The following DNM2 variants were observed in gnomAD, a reference collection of about 807,000 sequenced individuals.
DNM2 encodes dynamin 2, also known as dynamin-2.
In DNM2, 15 loss-of-function variants were observed where a neutral mutation model predicts 99.0. The observed-to-expected ratio is 0.15, with a 90% confidence interval of 0.10 to 0.23. The LOEUF is 0.23. Ranked by LOEUF, DNM2 falls within the 10% of genes least tolerant of loss-of-function variation. The probability of loss-of-function intolerance (pLI) is 1.00; values close to 1 mark genes in which losing one functional copy is unlikely to be tolerated. For missense variants in DNM2, 742 were observed against 1,189.4 expected (o/e 0.62, Z 5.53); for synonymous variants, 525 against 481.2 (o/e 1.09, Z -1.19).
At chr19:10,814,397 G>C (rs557564868) in intron 15 of DNM2, among the ~76,000 whole-genome samples, 2 of 152,166 alleles carry the variant, frequency 1.3e-5, no homozygotes, top group Non-Finnish European at 2.9e-5. Context: ...CTGGGAAGCA[G>C]AGGTTGCGGT....
At chr19:10,773,066 A>G (rs8104546) in intron 3 of DNM2, among the ~76,000 whole-genome samples, 137,966 of 145,774 alleles carry the variant, frequency 0.95, 65,378 homozygotes, top group East Asian at 0.99. Context: ...TGCAACCTCC[A>G]CCTCCCAGGT....
intron 2 of DNM2, among the ~76,000 whole-genome samples, chr19:10,760,826 G>GTTTTTTTTTTTTTTTT (rs1568284526): frequency 1.8e-3 from 9 of 4,942 alleles, no homozygotes; most frequent in East Asian, 4.5e-3. Context: ...ACACCCAGCT[G>GTTTTTTTTTTTTTTTT]ATTTTTTTTT....
chr19:10,787,752 C>CA (rs35556775), intron 7 of DNM2, among the ~76,000 whole-genome samples: 64,250 of 108,124 alleles, frequency 0.59, 17,400 homozygotes, highest in Admixed American at 0.64. Context: ...AAGACTGTCT[C>CA]AAAAAAAAAA....
At chr19:10,813,840 A>G (rs2034802505) in intron 15 of DNM2, among the ~76,000 whole-genome samples, 1 of 137,180 alleles carries the variant, frequency 7.3e-6, no homozygotes, top group African/African-American at 2.6e-5. Context: ...AAAAAAAAAA[A>G]GAAGAAGAAG....
At position 10,796,266 on chromosome 19, in the gene DNM2, G is replaced by C; in HGVS notation, c.1196+827G>C. On this transcript the variant is annotated intron_variant, in intron 9 of 20. Transcript: ENST00000389253. This position sits in a 1 kb window ranked among gnomAD's most constrained non-coding sequence, Gnocchi z 5.6. ...CGGGGGTACGGGGGTTTGGTATCAGGCTCCCAGCGCCTCATTGGCCCCCAC... is the reference window on the plus strand; with the variant it reads ...CGGGGGTACGGGGGTTTGGTATCAGCCTCCCAGCGCCTCATTGGCCCCCAC... The C allele has an allele frequency of 6.2e-7, 1 of 1,608,908 alleles. No individual in the cohort carries two copies. Among genetic ancestry groups the C allele is most frequent in the East Asian group, 2.2e-5 (1 of 44,836 alleles).
At chr19:10,802,434 G>T in intron 12 of DNM2, 76 bp downstream of exon 12, 1 of 1,519,962 alleles carries the variant, frequency 6.6e-7, no homozygotes, top group Non-Finnish European at 9.1e-7. Flanking sequence ...ACTGAGTTGG[G>T]ATTCTCTGAG....
chr19:10,828,977 C>T (rs1259554736), intron 18 of DNM2, 59 bp from the exon 19 acceptor site: 7 of 1,543,152 alleles, frequency 4.5e-6, no homozygotes, highest in Non-Finnish European at 6.2e-6. Flanking sequence ...CCAGCAGTCA[C>T]TGTGGGTTCT....
Position 10,764,211 on chromosome 19 carries a change from T to C in DNM2, c.235+4400T>C, listed in dbSNP as rs887728495. 2.6e-5 allele frequency among the ~76,000 whole-genome samples: 4 copies of C among 152,154 alleles called. No individual in the cohort carries two copies. The highest frequency in any genetic ancestry group is 9.7e-5 in the African/African-American group (4 of 41,426). The stretch of plus-strand genomic sequence containing the variant: ...CTGGCCCGGGACTTGTTAAAGTGAC[T>C]TCCCTCTCTGTGCCTTGGTAGCTTC... On this transcript the variant is annotated intron_variant, in intron 2 of 20. Transcript: ENST00000389253. This position sits in a 1 kb window ranked among gnomAD's most constrained non-coding sequence, Gnocchi z 4.1.
At position 10,830,366 on chromosome 19, in the gene DNM2, C is replaced by T. The variant is rs1398139585; in HGVS notation, c.2531C>T (p.Pro844Leu). The T allele has an allele frequency of 1.2e-6, 2 of 1,610,680 alleles. No individual in the cohort carries two copies. Among genetic ancestry groups the T allele is most frequent in the African/African-American group, 1.3e-5 (1 of 75,038 alleles). Reference protein sequence around the residue: ...RPVRIPPGIPPGVPSRRPPAA... With the variant: ...RPVRIPPGIPLGVPSRRPPAA... ...GTTCGGATCCCCCCAGGGATTCCCC[C>T]AGGAGTGCCCAGGTAAGGCCAACCC... is the stretch of plus-strand genomic sequence containing the variant. The change falls in exon 20 of 21, where the codon CCA becomes CTA. Residue 844 changes from proline (P) to leucine (L), a missense_variant. Pro to Leu is a moderately conservative substitution (Grantham distance 98). Around this residue, in one of 7 missense-constraint regions of DNM2, gnomAD observed 187 missense variants for 218.8 expected, o/e 0.85. Coordinates refer to ENST00000389253, the MANE Select transcript of DNM2 (RefSeq NM_001005361.3). This position sits in a 1 kb window ranked among gnomAD's most constrained non-coding sequence, Gnocchi z 4.8.
rs1315288863 is a variant in DNM2 at position 10,808,495 on chromosome 19, A to G, written c.1546-74A>G. 6 of 1,551,492 alleles carry G rather than the reference A, an allele frequency of 3.9e-6. No individual in the cohort carries two copies. The African/African-American group carries it at 4.1e-5, about 11-fold the overall frequency. On this transcript the variant is annotated intron_variant, in intron 13 of 20. Transcript: ENST00000389253. Reference sequence around the variant, plus strand: ...TTCCTGCTTTTTCTTTGTCCCCTTCACGTCCCTTCCATCTCTTTTCCTTTG... The same window carrying G: ...TTCCTGCTTTTTCTTTGTCCCCTTCGCGTCCCTTCCATCTCTTTTCCTTTG...
chr19:10,795,706 G>T lies in DNM2; in HGVS notation c.1196+267G>T. ...TAGTTCCTGCCCAGTCGGTTGGTGTGAACCTCATGCTAAACTAAGAATGCT... is the reference window on the plus strand; with the variant it reads ...TAGTTCCTGCCCAGTCGGTTGGTGTTAACCTCATGCTAAACTAAGAATGCT... On this transcript the variant is annotated intron_variant, in intron 9 of 20. Coordinates refer to ENST00000389253, the MANE Select transcript of DNM2 (RefSeq NM_001005361.3). The surrounding 1 kb of genome is among the most constrained non-coding windows in gnomAD (Gnocchi z 4.2). The T allele has an allele frequency of 1.7e-6, 1 of 585,428 alleles. No individual in the cohort carries two copies. The highest frequency in any genetic ancestry group is 3.0e-6 in the Non-Finnish European group (1 of 329,324). 36.3% of individuals were successfully genotyped at this position (585,428 alleles called of 1,614,324 possible).
chr19:10,723,592 T>C (rs576858058), intron 1 of DNM2, among the ~76,000 whole-genome samples: 2 of 152,312 alleles, frequency 1.3e-5, no homozygotes, highest in African/African-American at 4.8e-5. Flanking sequence ...ATAGGAGTTA[T>C]AATAGCACTT....
intron 2 of DNM2, among the ~76,000 whole-genome samples, chr19:10,761,262 C>T (rs934784451): frequency 6.6e-6 from 1 of 152,126 alleles, no homozygotes; most frequent in African/African-American, 2.4e-5. Context: ...GTTGGGATTA[C>T]AGGCGTGAGC....
In DNM2 at chr19:10,732,532, G is replaced by A. The variant is rs1270658644; in HGVS notation, c.161+14129G>A. On this transcript the variant is annotated intron_variant, in intron 1 of 20. Coordinates refer to ENST00000389253, the MANE Select transcript of DNM2 (RefSeq NM_001005361.3). ...AGAGAATGGTGTGAACCCAGGAGGC[G>A]GAGCTTGCAGTGAGCCGAGATCGCG... 3.3e-5 allele frequency among the ~76,000 whole-genome samples: 5 copies of A among 151,832 alleles called. No individual in the cohort carries two copies. In the East Asian group the frequency reaches 8.0e-4, roughly 24 times the overall value.
At chr19:10,756,967 G>C (rs544880175) in intron 1 of DNM2, among the ~76,000 whole-genome samples, 1 of 152,092 alleles carries the variant, frequency 6.6e-6, no homozygotes, top group African/African-American at 2.4e-5. Flanking sequence ...CCAGAGGGGG[G>C]TTTAAAAGCT....
chr19:10,765,643 T>C lies in DNM2; in HGVS notation c.235+5832T>C, dbSNP rs2070774441. On this transcript the variant is annotated intron_variant, in intron 2 of 20. Transcript: ENST00000389253. The surrounding 1 kb of genome is among the most constrained non-coding windows in gnomAD (Gnocchi z 4.4). ...CTCGGATTAGAGAGAACTCAAGGGCTAAATGGGCATGGGAAGTGTTGTGTG... is the reference window on the plus strand; with the variant it reads ...CTCGGATTAGAGAGAACTCAAGGGCCAAATGGGCATGGGAAGTGTTGTGTG... Among the ~76,000 whole-genome samples, 1 of 152,174 alleles carries C rather than the reference T, an allele frequency of 6.6e-6. No individual in the cohort carries two copies. The highest frequency in any genetic ancestry group is 1.5e-5 in the Non-Finnish European group (1 of 68,018).
chr19:10,798,222 T>C lies in DNM2; in HGVS notation c.1336-264T>C, dbSNP rs143401927. On this transcript the variant is annotated intron_variant, in intron 10 of 20. Coordinates refer to ENST00000389253, the MANE Select transcript of DNM2 (RefSeq NM_001005361.3). Reference sequence around the variant, plus strand: ...CAAACATGCCCCTGCTTTTCTGCTTTCATGTTGCCTCCTGCCTCCTGCCCC... The same window carrying C: ...CAAACATGCCCCTGCTTTTCTGCTTCCATGTTGCCTCCTGCCTCCTGCCCC... Among the ~76,000 whole-genome samples, 460 of 152,098 alleles carry C rather than the reference T, an allele frequency of 3.0e-3. 3 individuals are homozygous for C. The highest frequency in any genetic ancestry group is 6.8e-3 in the Middle Eastern group (2 of 294).
intron 1 of DNM2, chr19:10,755,393 C>G (rs768718072): frequency 6.6e-6 from 1 of 151,928 alleles, no homozygotes; most frequent in Non-Finnish European, 1.5e-5. Flanking sequence ...GTGAGGGGCA[C>G]GTGCTGTCAC....
At chr19:10,784,632 C>T (rs551805223) in intron 6 of DNM2, among the ~76,000 whole-genome samples, 63 of 152,152 alleles carry the variant, frequency 4.1e-4, no homozygotes, top group African/African-American at 1.5e-3. Context: ...GGAAGGCCAG[C>T]GTAGCTCCCT....
Sources: gnomAD v4.1 joint callset for allele counts (sites outside exome capture counted in the v4.1 genomes callset) on GRCh38, gnomAD v4.1.1 for gene constraint, gnomAD v4.1.1 regional missense constraint, Gnocchi (gnomAD v3.1) non-coding constraint, MANE v1.5 for transcripts, NCBI Gene and HGNC (gene_info 2026-07-23, HGNC 2026-07-21) for gene names.